Variants in ACTN4 observed in about 807,000 individuals in gnomAD.
ACTN4 encodes alpha-actinin-4.
ACTN4 carries 18 observed loss-of-function variants against 114.2 expected under a neutral mutation model. The observed-to-expected ratio is 0.16, with a 90% CI of 0.11 to 0.23. ACTN4 has a LOEUF of 0.23. Among genes scored for constraint, ACTN4 ranks in the 10% least tolerant of loss-of-function variants. The probability of loss-of-function intolerance (pLI) is 1.00; values close to 1 mark genes in which losing one functional copy is unlikely to be tolerated. For missense variants in ACTN4, 722 were observed against 1,262.9 expected (o/e 0.57, Z 6.49); for synonymous variants, 515 against 506.3 (o/e 1.02, Z -0.23).
intron 1 of ACTN4, among the ~76,000 whole-genome samples, chr19:38,671,716 A>G (rs1037903519): frequency 2.0e-5 from 3 of 152,240 alleles, no homozygotes; most frequent in African/African-American, 7.2e-5. Context: ...ACTCTAATTG[A>G]GTCCCTGTGA....
In ACTN4 at chr19:38,730,592, C is replaced by G. The variant is rs1424654035; in HGVS notation, c.*1160C>G. On this transcript the variant is annotated 3_prime_UTR_variant, in exon 21 of 21. Coordinates refer to ENST00000252699, the MANE Select transcript of ACTN4 (RefSeq NM_004924.6). The stretch of plus-strand genomic sequence containing the variant: ...TCTGTCCTCCACCTTCTAGGAGAGC[C>G]AGGGCAGAGCTAGCACTGTCTTAAG... 4 of 568,136 alleles carry G rather than the reference C, an allele frequency of 7.0e-6. No individual in the cohort carries two copies. The Admixed American group carries it at 1.2e-4, about 18-fold the overall frequency. 35.2% of individuals were successfully genotyped at this position (568,136 alleles called of 1,614,324 possible). A position where few individuals can be genotyped will look rare whatever the true frequency, so the allele number is the denominator to read the frequency against.
At chr19:38,710,686 G>T in intron 8 of ACTN4, 1 of 383,240 alleles carries the variant, frequency 2.6e-6, no homozygotes, top group South Asian at 2.1e-5. Context: ...GACAGAGATG[G>T]CTGGGGTGAC....
chr19:38,728,448 TCC>T (rs1251285477), intron 19 of ACTN4: 70 of 730,850 alleles, frequency 9.6e-5, no homozygotes, highest in Middle Eastern at 5.6e-4. Context: ...CTCCTCCTCC[TCC>T]CCCCCACCTC....
intron 1 of ACTN4, among the ~76,000 whole-genome samples, chr19:38,659,898 C>G (rs898018012): frequency 6.6e-6 from 1 of 151,010 alleles, no homozygotes. Context: ...TGCAAAACTT[C>G]CTCCATCTTA....
In ACTN4 at chr19:38,731,089, T is replaced by G. The variant is rs1969559400; in HGVS notation, c.*1657T>G. ...TACCCCTTCCCCCCATGCCCCACCA[T>G]GCCGGGGTGGTACTCACAGAAGATG... On this transcript the variant is annotated 3_prime_UTR_variant, in exon 21 of 21. Coordinates refer to ENST00000252699, the MANE Select transcript of ACTN4 (RefSeq NM_004924.6). The G allele has an allele frequency of 6.6e-7, 1 of 1,522,540 alleles. No homozygotes were observed. The highest frequency in any genetic ancestry group is 2.3e-5 in the East Asian group (1 of 43,888). 94.3% of individuals were successfully genotyped at this position (1,522,540 alleles called of 1,614,324 possible). A position where few individuals can be genotyped will look rare whatever the true frequency, so the allele number is the denominator to read the frequency against.
Position 38,711,235 on chromosome 19 carries a change from C to T in ACTN4, c.819+893C>T, listed in dbSNP as rs1968640195. Reference sequence around the variant, plus strand: ...GGCCGCCCTCCCTGCGTCTTTCACTCTCTCCTGCCTCTCTCTCTCTTTCTC... The same window carrying T: ...GGCCGCCCTCCCTGCGTCTTTCACTTTCTCCTGCCTCTCTCTCTCTTTCTC... On this transcript the variant is annotated intron_variant, in intron 8 of 20. Coordinates refer to ENST00000252699, the MANE Select transcript of ACTN4 (RefSeq NM_004924.6). 3.1e-6 allele frequency: 3 copies of T among 960,340 alleles called. No homozygotes were observed. In the South Asian group the frequency reaches 1.4e-4, roughly 46 times the overall value. The allele number at this position is 960,340 out of a possible 1,614,324, so 59.5% of individuals were successfully genotyped here. A position where few individuals can be genotyped will look rare whatever the true frequency, so the allele number is the denominator to read the frequency against.
At chr19:38,720,887 C>T (rs1047204561) in intron 11 of ACTN4, among the ~76,000 whole-genome samples, 2 of 152,214 alleles carry the variant, frequency 1.3e-5, no homozygotes, top group African/African-American at 2.4e-5. Context: ...ATTTTCCCTG[C>T]GGTTCCCTAA....
chr19:38,652,596 G>A (rs1404208868), intron 1 of ACTN4, among the ~76,000 whole-genome samples: 1 of 152,168 alleles, frequency 6.6e-6, no homozygotes, highest in African/African-American at 2.4e-5. Flanking sequence ...TTTGGTGGCA[G>A]GGAGCTGACT....
At position 38,686,144 on chromosome 19, in the gene ACTN4, T is replaced by A. The variant is rs1967735042; in HGVS notation, c.163-14456T>A. On this transcript the variant is annotated intron_variant, in intron 1 of 20. Transcript: ENST00000252699. The stretch of plus-strand genomic sequence containing the variant: ...GACGGGTGTGTAGCACTTGCCTAAA[T>A]AACAATCCCATCAGTGCCCTGTCTG... Among the ~76,000 whole-genome samples, 3 of 152,128 alleles carry A rather than the reference T, an allele frequency of 2.0e-5. No homozygotes were observed. The South Asian group carries it at 6.2e-4, about 32-fold the overall frequency.
At chr19:38,726,585 A>G (rs1230357551) in intron 17 of ACTN4, among the ~76,000 whole-genome samples, 1 of 152,162 alleles carries the variant, frequency 6.6e-6, no homozygotes, top group Non-Finnish European at 1.5e-5. Flanking sequence ...AAAAGACTGG[A>G]CACTCTTGAT....
chr19:38,660,883 G>C (rs970284157), intron 1 of ACTN4, among the ~76,000 whole-genome samples: 2 of 152,132 alleles, frequency 1.3e-5, no homozygotes, highest in Non-Finnish European at 2.9e-5. Flanking sequence ...ATGGCTTTGC[G>C]AGCGGGTGGT....
intron 1 of ACTN4, among the ~76,000 whole-genome samples, chr19:38,664,439 T>C (rs1966895667): frequency 6.6e-6 from 1 of 152,106 alleles, no homozygotes; most frequent in Non-Finnish European, 1.5e-5. Context: ...CCTCTTTGTG[T>C]GGTTTCAGAT....
At chr19:38,685,343 G>C (rs1045921883) in intron 1 of ACTN4, among the ~76,000 whole-genome samples, 1 of 152,166 alleles carries the variant, frequency 6.6e-6, no homozygotes, top group Non-Finnish European at 1.5e-5. Flanking sequence ...TTAACACCAC[G>C]AATTAGTTGC....
rs760050915 is a variant in ACTN4 at position 38,731,167 on chromosome 19, G to A, written c.*1735G>A. On this transcript the variant is annotated 3_prime_UTR_variant, in exon 21 of 21. Coordinates refer to ENST00000252699, the MANE Select transcript of ACTN4 (RefSeq NM_004924.6). ...AACCGCTCGAAGTCCACACGCAGACGGCTATCCCGGTAGCGGCTGGTGAGG... is the reference window on the plus strand; with the variant it reads ...AACCGCTCGAAGTCCACACGCAGACAGCTATCCCGGTAGCGGCTGGTGAGG... The A allele has an allele frequency of 1.5e-5, 24 of 1,613,212 alleles. No individual in the cohort carries two copies. Among genetic ancestry groups the A allele is most frequent in the Middle Eastern group, 3.3e-4 (2 of 6,044 alleles).
intron 3 of ACTN4, among the ~76,000 whole-genome samples, chr19:38,703,115 G>A (rs1968338838): frequency 6.6e-6 from 1 of 152,118 alleles, no homozygotes; most frequent in African/African-American, 2.4e-5. Flanking sequence ...ATGAGGCACT[G>A]CCTTCTCTCA....
Position 38,727,579 on chromosome 19 carries a change from C to G in ACTN4, c.2338-367C>G, listed in dbSNP as rs906241177. Among the ~76,000 whole-genome samples, 1 of 151,910 alleles carries G rather than the reference C, an allele frequency of 6.6e-6. No individual in the cohort carries two copies. The highest frequency in any genetic ancestry group is 1.5e-5 in the Non-Finnish European group (1 of 67,968). On this transcript the variant is annotated intron_variant, in intron 18 of 20. Coordinates refer to ENST00000252699, the MANE Select transcript of ACTN4 (RefSeq NM_004924.6). This position sits in a 1 kb window ranked among gnomAD's most constrained non-coding sequence, Gnocchi z 5.4. ...AGCTCTGCACCTGGCGCCCCCAGGA[C>G]AGGATACAGTCCCCTCTGTCCCACT... is the stretch of plus-strand genomic sequence containing the variant.
In ACTN4 at chr19:38,658,852, A is replaced by G. The variant is rs534336783; in HGVS notation, c.162+10945A>G. 2.0e-5 allele frequency among the ~76,000 whole-genome samples: 3 copies of G among 152,070 alleles called. No individual in the cohort carries two copies. The South Asian group carries it at 6.2e-4, about 32-fold the overall frequency. ...CTTTTTTTTTTGGATCGTTTGAGCT[A>G]CACTGCCAAGACTGTGGTAGGACTT... On this transcript the variant is annotated intron_variant, in intron 1 of 20. Coordinates refer to ENST00000252699, the MANE Select transcript of ACTN4 (RefSeq NM_004924.6).
At chr19:38,654,215 T>C (rs1281763298) in intron 1 of ACTN4, among the ~76,000 whole-genome samples, 1 of 152,152 alleles carries the variant, frequency 6.6e-6, no homozygotes, top group Non-Finnish European at 1.5e-5. Flanking sequence ...AAGAAGGATC[T>C]TATGAAGGGG....
At chr19:38,725,083 T>TAA (rs1262695928) in intron 16 of ACTN4, among the ~76,000 whole-genome samples, 2 of 151,080 alleles carry the variant, frequency 1.3e-5, no homozygotes, top group African/African-American at 4.9e-5. Flanking sequence ...ACAGTTACCT[T>TAA]ATTACTTCAA....
Sources: gnomAD v4.1 joint callset for allele counts (sites outside exome capture counted in the v4.1 genomes callset) on GRCh38, gnomAD v4.1.1 for gene constraint, Gnocchi (gnomAD v3.1) non-coding constraint, MANE v1.5 for transcripts, NCBI Gene and HGNC (gene_info 2026-07-23, HGNC 2026-07-21) for gene names.